Variants in WDR7 observed in about 807,000 individuals in gnomAD.
WDR7 encodes WD repeat-containing protein 7.
WDR7 carries 46 observed loss-of-function variants against 169.4 expected under a neutral mutation model. The ratio of observed to expected loss-of-function variants is 0.27; its 90% CI spans 0.21 to 0.35. The LOEUF (loss-of-function observed/expected upper bound fraction) is 0.35, where lower values mean the gene tolerates loss of function less well. WDR7 is among the 10% of genes least tolerant of loss of function. The pLI is 1.00. For synonymous variants in WDR7, 612 were observed against 666.8 expected (o/e 0.92, Z 1.27); for missense variants, 1,534 against 1,859.3 (o/e 0.83, Z 3.22).
intron 21 of WDR7, among the ~76,000 whole-genome samples, chr18:56,895,041 G>A (rs944716951): frequency 1.3e-5 from 2 of 152,020 alleles, no homozygotes; most frequent in African/African-American, 2.4e-5. Context: ...ATATTAAGCT[G>A]AAACTAAAAG....
In WDR7 at chr18:56,782,387, C is replaced by T. The variant is rs562373599; in HGVS notation, c.3190+731C>T. ...TTACTAAATAATTTTTTTAAGGTCC[C>T]TCAGTTACTAAGTGACTAAATTATA... is the stretch of plus-strand genomic sequence containing the variant. On this transcript the variant is annotated intron_variant, in intron 19 of 27. Transcript: ENST00000254442. 1.6e-4 allele frequency among the ~76,000 whole-genome samples: 25 copies of T among 151,712 alleles called. 1 individual carries two copies. In the South Asian group the frequency reaches 4.4e-3, roughly 27 times the overall value.
At chr18:56,662,388 A>G (rs768567474) in intron 1 of WDR7, among the ~76,000 whole-genome samples, 18 of 152,238 alleles carry the variant, frequency 1.2e-4, no homozygotes, top group Admixed American at 1.1e-3. Context: ...TGTGCTACCA[A>G]TATTACATGG....
intron 1 of WDR7, among the ~76,000 whole-genome samples, chr18:56,671,867 A>T (rs2025143622): frequency 6.6e-6 from 1 of 152,216 alleles, no homozygotes; most frequent in Non-Finnish European, 1.5e-5. Context: ...ACACACATAC[A>T]ATGTTCAGAA....
intron 20 of WDR7, among the ~76,000 whole-genome samples, chr18:56,870,964 T>C (rs1326554092): frequency 6.6e-6 from 1 of 152,246 alleles, no homozygotes; most frequent in African/African-American, 2.4e-5. Flanking sequence ...ATATGCTTTT[T>C]ATAGTCAGTG....
chr18:56,820,339 CAAAA>C (rs386387798), intron 20 of WDR7, among the ~76,000 whole-genome samples: 8 of 42,478 alleles, frequency 1.9e-4, no homozygotes, highest in Admixed American at 1.3e-3. Context: ...CTGACATTGT[CAAAA>C]AAAAAAAAAA....
rs377239689 is a variant in WDR7, at chr18:56,915,523, C to T, written c.3527-8399C>T. 6.4e-4 allele frequency among the ~76,000 whole-genome samples: 98 copies of T among 152,280 alleles called. 2 individuals carry two copies. The highest frequency in any genetic ancestry group is 6.8e-3 in the Middle Eastern group (2 of 294). On this transcript the variant is annotated intron_variant, in intron 21 of 27. Coordinates refer to ENST00000254442, the MANE Select transcript of WDR7 (RefSeq NM_015285.3). The stretch of plus-strand genomic sequence containing the variant: ...AAAATATGACCTTTTTCCCCTTCTT[C>T]ACTATTCAGATCCAGCAACCTGCAG...
At chr18:56,913,623 CAAAAAAAAA>C (rs3045241) in intron 21 of WDR7, among the ~76,000 whole-genome samples, 183 of 134,746 alleles carry the variant, frequency 1.4e-3, no homozygotes, top group Middle Eastern at 7.2e-3. Flanking sequence ...CCCATCTCTA[CAAAAAAAAA>C]AAAAAAAAAA....
intron 14 of WDR7, among the ~76,000 whole-genome samples, chr18:56,748,950 C>CTTCA (rs573074661): frequency 1.4e-3 from 219 of 151,440 alleles, no homozygotes; most frequent in Non-Finnish European, 2.4e-3. Context: ...CTTTCTCCTT[C>CTTCA]TTCCTTCCTT....
chr18:56,710,473 T>C (rs1433300264), intron 12 of WDR7, among the ~76,000 whole-genome samples: 1 of 152,202 alleles, frequency 6.6e-6, no homozygotes, highest in Non-Finnish European at 1.5e-5. Flanking sequence ...TTCCATTACA[T>C]TGTGTGAGCA....
chr18:56,666,545 C>A (rs953884877), intron 1 of WDR7, among the ~76,000 whole-genome samples: 1 of 152,042 alleles, frequency 6.6e-6, no homozygotes, highest in Non-Finnish European at 1.5e-5. Context: ...TATTCTCTTT[C>A]CTCTCCCAGG....
At chr18:56,796,259 A>G (rs2044584339) in intron 19 of WDR7, among the ~76,000 whole-genome samples, 2 of 152,152 alleles carry the variant, frequency 1.3e-5, no homozygotes, top group South Asian at 2.1e-4. Flanking sequence ...CACTGTGAGG[A>G]TATCTTCCTC....
At chr18:56,805,705 C>T (rs1445984850) in intron 19 of WDR7, among the ~76,000 whole-genome samples, 1 of 150,868 alleles carries the variant, frequency 6.6e-6, no homozygotes, top group African/African-American at 2.4e-5. Flanking sequence ...TTTTTATTTA[C>T]TTTCATTGCA....
At chr18:56,918,845 G>T (rs977551813) in intron 21 of WDR7, among the ~76,000 whole-genome samples, 1 of 152,290 alleles carries the variant, frequency 6.6e-6, no homozygotes. Flanking sequence ...TATATATTAA[G>T]TTCTTATTGA....
chr18:56,966,949 GGA>G (rs1341341289), intron 26 of WDR7, among the ~76,000 whole-genome samples: 7 of 152,174 alleles, frequency 4.6e-5, no homozygotes, highest in African/African-American at 1.7e-4. Context: ...TTTGGTCAAA[GGA>G]GAGAGTCTGT....
At chr18:56,654,379 C>T (rs1274523165) in intron 1 of WDR7, among the ~76,000 whole-genome samples, 2 of 152,216 alleles carry the variant, frequency 1.3e-5, no homozygotes, top group Non-Finnish European at 2.9e-5. Flanking sequence ...ATCTGCCTGC[C>T]TCAGCCTCCC....
At chr18:56,728,492 T>A (rs1453795035) in intron 13 of WDR7, among the ~76,000 whole-genome samples, 1 of 152,154 alleles carries the variant, frequency 6.6e-6, no homozygotes, top group Non-Finnish European at 1.5e-5. Context: ...GTGGATGTGC[T>A]TTTTATCCAT....
intron 26 of WDR7, among the ~76,000 whole-genome samples, chr18:57,004,922 T>C (rs1176621311): frequency 1.3e-5 from 2 of 152,164 alleles, no homozygotes; most frequent in Non-Finnish European, 2.9e-5. Flanking sequence ...AAATGGCATT[T>C]GTAGTTCTGT....
In WDR7 at chr18:56,718,167, C is replaced by T. The variant is rs1002439873; in HGVS notation, c.1774+8C>T. ...TCTGGCAAATGGATACTGGTAAGAA[C>T]AAGTATGAAGAGATACTATAGAAAA... On this transcript the variant is annotated splice_region_variant and intron_variant, in intron 13 of 27. Transcript: ENST00000254442. The T allele has an allele frequency of 6.3e-7, 1 of 1,595,994 alleles. No homozygotes were observed. Among genetic ancestry groups the T allele is most frequent in the African/African-American group, 1.4e-5 (1 of 74,066 alleles).
chr18:56,815,993 T>G (rs775411961), intron 19 of WDR7, 38 bp from the exon 20 acceptor site: 4 of 1,499,190 alleles, frequency 2.7e-6, no homozygotes, highest in Non-Finnish European at 3.6e-6. Context: ...TACTTTTCAT[T>G]TTTTGAAGTG....
Sources: gnomAD v4.1 joint callset for allele counts (sites outside exome capture counted in the v4.1 genomes callset) on GRCh38, gnomAD v4.1.1 for gene constraint, MANE v1.5 for transcripts, NCBI Gene and HGNC (gene_info 2026-07-23, HGNC 2026-07-21) for gene names.